Variants in RANBP3L observed in about 807,000 individuals in gnomAD.
RANBP3L encodes the protein ran-binding protein 3-like.
RANBP3L carries 56 observed loss-of-function variants against 67.2 expected under a neutral mutation model. The observed-to-expected ratio is 0.83, with a 90% CI of 0.67 to 1.04. The LOEUF (loss-of-function observed/expected upper bound fraction) is 1.04, where lower values mean the gene tolerates loss of function less well. RANBP3L is among the 50% of genes least tolerant of loss of function. RANBP3L has a pLI of 0.00. For missense variants in RANBP3L, 496 were observed against 535.5 expected (o/e 0.93, Z 0.73); for synonymous variants, 164 against 181.4 (o/e 0.90, Z 0.77).
At chr5:36,291,668 T>C (rs965617729) in intron 1 of RANBP3L, among the ~76,000 whole-genome samples, 2 of 151,108 alleles carry the variant, frequency 1.3e-5, no homozygotes, top group African/African-American at 4.9e-5. Flanking sequence ...TTTGTTCTTG[T>C]GATAGTTTAC....
intron 1 of RANBP3L, among the ~76,000 whole-genome samples, chr5:36,283,897 GC>G (rs1302516388): frequency 1.3e-5 from 2 of 152,124 alleles, no homozygotes; most frequent in South Asian, 2.1e-4. Context: ...TTCAGCTTCA[GC>G]CCATCCTGCC....
At chr5:36,271,516 G>T (rs1750211992) in intron 1 of RANBP3L, among the ~76,000 whole-genome samples, 2 of 152,270 alleles carry the variant, frequency 1.3e-5, no homozygotes, top group East Asian at 3.9e-4. Flanking sequence ...TGGGGGAAAT[G>T]ATAGCAGTAT....
At chr5:36,258,481 TAGTC>T (rs1749149561) in intron 8 of RANBP3L, among the ~76,000 whole-genome samples, 1 of 152,088 alleles carries the variant, frequency 6.6e-6, no homozygotes, top group South Asian at 2.1e-4. Flanking sequence ...TAAAAACACA[TAGTC>T]AGCCAATAAG....
intron 1 of RANBP3L, among the ~76,000 whole-genome samples, chr5:36,291,489 G>A (rs530071132): frequency 1.5e-4 from 23 of 151,688 alleles, no homozygotes; most frequent in South Asian, 8.4e-4. Context: ...ATGCTGGTGC[G>A]CTGCACCCAC....
At chr5:36,251,258 C>G in intron 13 of RANBP3L, 55 bp downstream of exon 13, 1 of 1,427,950 alleles carries the variant, frequency 7.0e-7, no homozygotes. Flanking sequence ...ATATTAGGAT[C>G]GTGCTTAAGA....
intron 1 of RANBP3L, among the ~76,000 whole-genome samples, chr5:36,271,818 T>C (rs1305747155): frequency 6.6e-6 from 1 of 152,198 alleles, no homozygotes; most frequent in East Asian, 1.9e-4. Context: ...AATATTTAGA[T>C]AAAAAATTAG....
rs1748574494 is a variant in RANBP3L, at chr5:36,251,316, A to G, written c.1351T>C (p.Ser451Pro). 1 of 1,610,828 alleles carries G rather than the reference A, an allele frequency of 6.2e-7. No individual in the cohort carries two copies. The highest frequency in any genetic ancestry group is 1.3e-5 in the African/African-American group (1 of 74,946). The part of the protein sequence containing the change: ...DDFIQVTKNG[S>P]DPSSWTHRQS... ...TAACAAAACAAAAGCTATTTACCTG[A>G]TCCATTTTTAGTGACTTGGATGAAA... is the stretch of plus-strand genomic sequence containing the variant. The change falls in exon 13 of 14, where the codon TCA (serine) becomes CCA (proline). Residue 451 changes from serine to proline, a missense_variant. By Grantham distance (74) the Ser-to-Pro change is moderately conservative. Transcript: ENST00000296604.
At chr5:36,290,222 A>AT (rs1561139722) in intron 1 of RANBP3L, among the ~76,000 whole-genome samples, 1 of 63,160 alleles carries the variant, frequency 1.6e-5, no homozygotes, top group East Asian at 2.5e-4. Flanking sequence ...TCTCTGTCTC[A>AT]CCTTTTTTTT....
intron 6 of RANBP3L, among the ~76,000 whole-genome samples, chr5:36,263,955 G>A (rs1749573185): frequency 2.0e-5 from 3 of 152,164 alleles, no homozygotes; most frequent in South Asian, 2.1e-4. Context: ...TACTTATATA[G>A]CATGCATAAA....
At chr5:36,279,073 A>G (rs773681507) in intron 1 of RANBP3L, among the ~76,000 whole-genome samples, 58 of 152,182 alleles carry the variant, frequency 3.8e-4, no homozygotes, top group Non-Finnish European at 7.2e-4. Context: ...TTATCTGCAG[A>G]AAAAAAATAG....
rs1264879858 is a variant in RANBP3L, at chr5:36,261,990, A to T, written c.533T>A (p.Ile178Asn). 4 of 1,607,376 alleles carry T rather than the reference A, an allele frequency of 2.5e-6. No homozygotes were observed. The highest frequency in any genetic ancestry group is 3.4e-6 in the Non-Finnish European group (4 of 1,174,884). The change falls in exon 7 of 14, where the codon ATT (isoleucine) becomes AAT (asparagine). Residue 178 changes from isoleucine to asparagine, a missense_variant. Coordinates refer to ENST00000296604, the MANE Select transcript of RANBP3L (RefSeq NM_145000.5). ...CTGGTTAGTAGACAGCTGGACTGAAATTCTAGCCCTTGATAAATTTTCACT... is the reference window on the plus strand; with the variant it reads ...CTGGTTAGTAGACAGCTGGACTGAATTTCTAGCCCTTGATAAATTTTCACT... ...LLSENLSRARISVQLSTNQDF... is the reference protein window; with the variant it reads ...LLSENLSRARNSVQLSTNQDF...
chr5:36,271,480 A>G (rs1375911579), intron 1 of RANBP3L, among the ~76,000 whole-genome samples, 169 bp from the exon 2 acceptor site: 1 of 152,224 alleles, frequency 6.6e-6, no homozygotes, highest in African/African-American at 2.4e-5. Flanking sequence ...TAAATAATTT[A>G]ACAGTTAATT....
Position 36,301,351 on chromosome 5 carries a change from C to T in RANBP3L, c.66G>A (p.Lys22=), listed in dbSNP as rs1256037749. Residue 22 remains lysine, a synonymous_variant, in exon 1 of 14, where the codon AAG becomes AAA. Coordinates refer to ENST00000296604, the MANE Select transcript of RANBP3L (RefSeq NM_145000.5). ...CTTGCTGTCGCCGGTCCTCCTGCAG[C>T]TTCAGTTTACAGGTGTGCAAACTGC... ...LPGSLHTCKL[K]LQEDRRQQEK... The T allele has an allele frequency of 1.2e-6, 2 of 1,613,732 alleles. No individual in the cohort carries two copies. Among genetic ancestry groups the T allele is most frequent in the Non-Finnish European group, 1.7e-6 (2 of 1,179,726 alleles).
chr5:36,257,593 A>C, intron 8 of RANBP3L, 37 bp from the exon 9 acceptor site: 1 of 982,058 alleles, frequency 1.0e-6, no homozygotes, highest in Non-Finnish European at 1.5e-6. Context: ...TTATTTAATA[A>C]AAGTTTTAAT....
In RANBP3L at chr5:36,271,315, T is replaced by G. The variant is rs762033234; in HGVS notation, c.92-4A>C. ...GGTTGAGCAATGACAGATTTTTCTG[T>G]GAAAAAAAAGAAAACAGGCAAGAAA... is the stretch of plus-strand genomic sequence containing the variant. On this transcript the variant is annotated splice_region_variant and splice_polypyrimidine_tract_variant and intron_variant, in intron 1 of 13. Coordinates refer to ENST00000296604, the MANE Select transcript of RANBP3L (RefSeq NM_145000.5). 1.3e-6 allele frequency: 2 copies of G among 1,568,822 alleles called. No homozygotes were observed. Among genetic ancestry groups the G allele is most frequent in the African/African-American group, 2.7e-5 (2 of 73,124 alleles).
intron 1 of RANBP3L, among the ~76,000 whole-genome samples, chr5:36,284,256 A>G (rs1020695229): frequency 8.5e-5 from 13 of 152,268 alleles, no homozygotes; most frequent in Admixed American, 6.5e-4. Flanking sequence ...TCTTATTCCT[A>G]TGACCTTTTG....
chr5:36,296,130 C>T (rs577829404), intron 1 of RANBP3L, among the ~76,000 whole-genome samples: 15 of 152,210 alleles, frequency 9.9e-5, no homozygotes, highest in African/African-American at 3.1e-4. Flanking sequence ...ATCTGGCTGA[C>T]CATTTGTATA....
intron 6 of RANBP3L, among the ~76,000 whole-genome samples, chr5:36,263,787 G>A (rs1015244793): frequency 9.2e-5 from 14 of 152,148 alleles, no homozygotes; most frequent in African/African-American, 2.4e-4. Flanking sequence ...TCGGCCTCCC[G>A]AAGTGCTAGG....
At chr5:36,254,523 G>T (rs1188154562) in intron 11 of RANBP3L, among the ~76,000 whole-genome samples, 2 of 151,266 alleles carry the variant, frequency 1.3e-5, no homozygotes, top group Non-Finnish European at 2.9e-5. Context: ...TTTTTCTTTG[G>T]CAGGCAGTGG....
Sources: gnomAD v4.1 joint callset for allele counts (sites outside exome capture counted in the v4.1 genomes callset) on GRCh38, gnomAD v4.1.1 for gene constraint, MANE v1.5 for transcripts, NCBI Gene and HGNC (gene_info 2026-07-23, HGNC 2026-07-21) for gene names.